The following LRP1B variants were observed in gnomAD, a reference collection of about 807,000 sequenced individuals.
LRP1B encodes the protein low-density lipoprotein receptor-related protein 1B.
LRP1B carries 217 observed loss-of-function variants against 556.6 expected under a neutral mutation model. That is an observed-to-expected ratio of 0.39 (90% CI 0.35 to 0.44). The LOEUF is 0.44. Among genes scored for constraint, LRP1B ranks in the 20% least tolerant of loss-of-function variants. The pLI is 1.00. For synonymous variants in LRP1B, 2,047 were observed against 1,865.8 expected, an observed-to-expected ratio of 1.10 and a Z score of -2.50; for missense variants, 5,053 against 5,620.8, an observed-to-expected ratio of 0.90 and a Z score of 3.23.
intron 18 of LRP1B, among the ~76,000 whole-genome samples, chr2:140,963,862 G>A (rs1323252351): frequency 1.3e-5 from 2 of 152,126 alleles, no homozygotes; most frequent in African/African-American, 4.8e-5. Flanking sequence ...GTAGGGACCA[G>A]CCCCACAGGG....
intron 86 of LRP1B, among the ~76,000 whole-genome samples, chr2:140,250,212 G>T (rs77841455): frequency 6.6e-6 from 1 of 151,694 alleles, no homozygotes; most frequent in African/African-American, 2.4e-5. Flanking sequence ...AATTGCAGAC[G>T]TTTCCCACTG....
chr2:141,114,666 G>A (rs916664669), intron 7 of LRP1B, among the ~76,000 whole-genome samples: 4 of 152,130 alleles, frequency 2.6e-5, no homozygotes, highest in African/African-American at 9.7e-5. Context: ...GGCAATATTA[G>A]AGTGTGAAAA....
chr2:142,098,965 C>A (rs1347550930), intron 1 of LRP1B, among the ~76,000 whole-genome samples: 1 of 151,754 alleles, frequency 6.6e-6, no homozygotes, highest in Non-Finnish European at 1.5e-5. Flanking sequence ...ATTTTCTCCT[C>A]TGCACATACA....
At chr2:141,539,282 CAG>C (rs1685170942) in intron 2 of LRP1B, among the ~76,000 whole-genome samples, 1 of 152,102 alleles carries the variant, frequency 6.6e-6, no homozygotes, top group Non-Finnish European at 1.5e-5. Flanking sequence ...AAACAGGCAA[CAG>C]AGTTATGATT....
rs113074914 is a variant in LRP1B at position 140,805,152 on chromosome 2, C to T, written c.5359+8505G>A. 4.2e-3 allele frequency among the ~76,000 whole-genome samples: 640 copies of T among 152,200 alleles called. 2 individuals carry two copies. Among genetic ancestry groups the T allele is most frequent in the Non-Finnish European group, 6.5e-3 (439 of 67,998 alleles). On this transcript the variant is annotated intron_variant, in intron 32 of 90. Transcript: ENST00000389484. ...CATGAGTCTGCAAATACACACAGGACCCACCTTTTTTGACTGATCCCCATA... is the reference window on the plus strand; with the variant it reads ...CATGAGTCTGCAAATACACACAGGATCCACCTTTTTTGACTGATCCCCATA...
intron 72 of LRP1B, 128 bp downstream of exon 72, chr2:140,364,533 G>T: frequency 9.4e-7 from 1 of 1,066,464 alleles, no homozygotes; most frequent in Non-Finnish European, 1.3e-6. Flanking sequence ...CTGTATCTGT[G>T]GTTATACTTT....
At chr2:142,110,079 T>A (rs569245718) in intron 1 of LRP1B, among the ~76,000 whole-genome samples, 1 of 152,264 alleles carries the variant, frequency 6.6e-6, no homozygotes, top group South Asian at 2.1e-4. Context: ...GTAGAGACTC[T>A]GATGAGAAAG....
At chr2:141,568,452 AAG>A (rs969717238) in intron 2 of LRP1B, among the ~76,000 whole-genome samples, 3 of 151,090 alleles carry the variant, frequency 2.0e-5, no homozygotes, top group Admixed American at 2.0e-4. Context: ...GAATATAAGA[AAG>A]AAGTTCTTTG....
intron 1 of LRP1B, among the ~76,000 whole-genome samples, chr2:141,948,806 A>C (rs547222171): frequency 6.6e-6 from 1 of 152,238 alleles, no homozygotes; most frequent in Admixed American, 6.5e-5. Context: ...ATAATAATTT[A>C]ATAACAATAG....
rs201093074 is a variant in LRP1B, at chr2:141,062,147, G to A, written c.1140C>T (p.Val380=). The A allele has an allele frequency of 6.2e-7, 1 of 1,612,032 alleles. No individual in the cohort carries two copies. Among genetic ancestry groups the A allele is most frequent in the Non-Finnish European group, 8.5e-7 (1 of 1,178,692 alleles). The change falls in exon 8 of 91, where the codon GTC becomes GTT. Residue 380 remains valine, a synonymous_variant. Coordinates refer to ENST00000389484, the MANE Select transcript of LRP1B (RefSeq NM_018557.3). ...EQPAALALDL[V]NKLVYWVDLY... ...GATCTACCCAGTAAACCAATTTGTT[G>A]ACTAGGTCTAGTGCCAGTGCAGCTG...
chr2:140,748,757 TTATATA>T (rs1688446692), intron 35 of LRP1B, among the ~76,000 whole-genome samples: 2 of 132,216 alleles, frequency 1.5e-5, no homozygotes, highest in Non-Finnish European at 3.2e-5. Context: ...ATGATATATA[TTATATA>T]CATGTATATA....
chr2:141,679,156 A>G (rs540905995), intron 2 of LRP1B, among the ~76,000 whole-genome samples: 2 of 152,116 alleles, frequency 1.3e-5, no homozygotes, highest in Non-Finnish European at 2.9e-5. Flanking sequence ...TATAACAGGC[A>G]TTAGAGACTG....
rs565447198 is a variant in LRP1B, at chr2:140,705,521, C to CAAAAAAAA, written c.6024-2976_6024-2969dup. Among the ~76,000 whole-genome samples the CAAAAAAAA allele has an allele frequency of 1.0e-3, 70 of 68,204 alleles. 2 individuals carry two copies. Among genetic ancestry groups the CAAAAAAAA allele is most frequent in the East Asian group, 1.7e-3 (3 of 1,734 alleles). The allele number at this position is 68,204 out of a possible 152,430, so 44.7% of individuals were successfully genotyped here. On this transcript the variant is annotated intron_variant, in intron 37 of 90. Coordinates refer to ENST00000389484, the MANE Select transcript of LRP1B (RefSeq NM_018557.3). ...CATGGGGAACAGAGTGAGACTGTCTCAAAAAAAAAAAAAAAAAAAAAAAAA... is the reference window on the plus strand; with the variant it reads ...CATGGGGAACAGAGTGAGACTGTCTCAAAAAAAAAAAAAAAAAAAAAAAAAAAAAAAAA...
At chr2:140,973,086 A>G (rs1028692113) in intron 18 of LRP1B, among the ~76,000 whole-genome samples, 1 of 146,660 alleles carries the variant, frequency 6.8e-6, no homozygotes. Flanking sequence ...ATATATTTCT[A>G]AACACAGTAC....
chr2:141,164,726 A>T (rs1680177601), intron 7 of LRP1B, among the ~76,000 whole-genome samples: 2 of 152,130 alleles, frequency 1.3e-5, no homozygotes, highest in Admixed American at 1.3e-4. Flanking sequence ...AATGTGGGGA[A>T]GCAGTTTTAA....
At chr2:141,804,215 G>T (rs1234170003) in intron 2 of LRP1B, among the ~76,000 whole-genome samples, 2 of 152,036 alleles carry the variant, frequency 1.3e-5, no homozygotes, top group African/African-American at 2.4e-5. Context: ...TTCAAAAAAG[G>T]AGGGCAAATT....
chr2:141,761,496 C>T (rs1694545787), intron 2 of LRP1B, among the ~76,000 whole-genome samples: 1 of 151,798 alleles, frequency 6.6e-6, no homozygotes. Flanking sequence ...TAATTTCTTC[C>T]ACAATTAAAA....
chr2:141,838,245 G>A (rs1697355680), intron 1 of LRP1B, among the ~76,000 whole-genome samples: 1 of 143,706 alleles, frequency 7.0e-6, no homozygotes, highest in Non-Finnish European at 1.6e-5. Context: ...AAATTAACAA[G>A]GAAGGTTTGA....
intron 2 of LRP1B, among the ~76,000 whole-genome samples, chr2:141,550,209 C>T (rs1472243827): frequency 6.6e-6 from 1 of 152,096 alleles, no homozygotes; most frequent in Non-Finnish European, 1.5e-5. Context: ...TTTTGGCTTA[C>T]CGATGTTTTA....
Sources: allele counts gnomAD v4.1 joint callset (sites outside exome capture counted in the v4.1 genomes callset), GRCh38; gene constraint gnomAD v4.1.1; transcripts MANE v1.5; gene names NCBI Gene and HGNC (gene_info 2026-07-23, HGNC 2026-07-21).